Variants in RARB observed in about 807,000 individuals in gnomAD.
The protein encoded by RARB is HBV-activated protein.
In RARB, 17 loss-of-function variants were observed where a neutral mutation model predicts 51.9. That is an observed-to-expected ratio of 0.33 (90% CI 0.22 to 0.49). RARB has a LOEUF of 0.49. Ranked by LOEUF, RARB falls within the 20% of genes least tolerant of loss-of-function variation. RARB has a pLI of 0.99. For synonymous variants in RARB, 215 were observed against 195.4 expected (o/e 1.10, Z -0.84); for missense variants, 369 against 550.8 (o/e 0.67, Z 3.30).
At chr3:25,145,133 T>C (rs73048442) in intron 4 of RARB, among the ~76,000 whole-genome samples, 13,038 of 152,264 alleles carry the variant, frequency 0.086, 714 homozygotes, top group Non-Finnish European at 0.13. Flanking sequence ...AGTTGCTTTA[T>C]TGGCTCCCTG....
chr3:25,002,483 A>G (rs951562885), intron 2 of RARB, among the ~76,000 whole-genome samples: 2 of 152,162 alleles, frequency 1.3e-5, no homozygotes, highest in Non-Finnish European at 2.9e-5. Flanking sequence ...TGCCCTGCAG[A>G]GTTTAGTTCG....
chr3:25,082,276 T>G (rs1699022576), intron 3 of RARB, among the ~76,000 whole-genome samples: 1 of 152,130 alleles, frequency 6.6e-6, no homozygotes, highest in South Asian at 2.1e-4. Context: ...ATAAGTTGGG[T>G]TTATGTATAC....
chr3:24,994,426 T>C (rs1465328111), intron 2 of RARB, among the ~76,000 whole-genome samples: 2 of 152,126 alleles, frequency 1.3e-5, no homozygotes, highest in Non-Finnish European at 2.9e-5. Flanking sequence ...AGTTTGCAAA[T>C]ATTTTCTCCC....
At chr3:25,144,001 A>G (rs376598572) in intron 4 of RARB, among the ~76,000 whole-genome samples, 1 of 152,282 alleles carries the variant, frequency 6.6e-6, no homozygotes, top group East Asian at 1.9e-4. Flanking sequence ...GATATTCATA[A>G]CCTTGCCAGA....
rs563830922 is a variant in RARB, at chr3:25,134,295, T to A, written c.-280+2087T>A. ...AATCTTTAGTCAAAAATTCAGAAGT[T>A]CTTAAATGGCACATAGGATATAGGA... is the stretch of plus-strand genomic sequence containing the variant. On this transcript the variant is annotated intron_variant, in intron 4 of 11. Transcript: ENST00000383772. Among the ~76,000 whole-genome samples, 48 of 152,048 alleles carry A rather than the reference T, an allele frequency of 3.2e-4. No homozygotes were observed. The South Asian group carries it at 9.5e-3, about 30-fold the overall frequency.
intron 5 of RARB, among the ~76,000 whole-genome samples, chr3:25,315,296 C>T (rs2125436036): frequency 6.6e-6 from 1 of 152,258 alleles, no homozygotes; most frequent in African/African-American, 2.4e-5. Context: ...TAGATAGGGG[C>T]TTACTTGAGA....
chr3:25,085,707 T>A (rs1026669328), intron 3 of RARB, among the ~76,000 whole-genome samples: 1 of 152,194 alleles, frequency 6.6e-6, no homozygotes, highest in African/African-American at 2.4e-5. Flanking sequence ...CTTGGCTTCA[T>A]CATCTTCCTT....
At chr3:24,913,192 G>C (rs894003667) in intron 2 of RARB, among the ~76,000 whole-genome samples, 2 of 151,584 alleles carry the variant, frequency 1.3e-5, no homozygotes, top group African/African-American at 2.4e-5. Flanking sequence ...CACTGTGTTA[G>C]CCACGATGGT....
At chr3:25,538,265 A>G (rs959601097) in intron 3 of RARB, among the ~76,000 whole-genome samples, 4 of 152,210 alleles carry the variant, frequency 2.6e-5, no homozygotes, top group African/African-American at 7.2e-5. Context: ...TCATAATTAT[A>G]TAGAACTTTC....
At chr3:24,995,191 T>C (rs1696995497) in intron 2 of RARB, among the ~76,000 whole-genome samples, 1 of 151,596 alleles carries the variant, frequency 6.6e-6, no homozygotes, top group African/African-American at 2.4e-5. Flanking sequence ...GTTTTTTAAG[T>C]AAAGGTCCTT....
intron 1 of RARB, among the ~76,000 whole-genome samples, chr3:24,837,907 A>T (rs1702364504): frequency 6.6e-6 from 1 of 152,224 alleles, no homozygotes; most frequent in African/African-American, 2.4e-5. Context: ...TTCGTGGCTG[A>T]AAACATCACA....
intron 2 of RARB, among the ~76,000 whole-genome samples, chr3:24,958,489 C>T (rs1425035159): frequency 6.6e-6 from 1 of 152,068 alleles, no homozygotes; most frequent in African/African-American, 2.4e-5. Flanking sequence ...AATTCTCTCA[C>T]ACCCTGATTT....
At chr3:25,403,885 C>G (rs927256346) in intron 5 of RARB, among the ~76,000 whole-genome samples, 2 of 9,582 alleles carry the variant, frequency 2.1e-4, no homozygotes, top group African/African-American at 5.2e-4. Context: ...ATTTCTTTTT[C>G]TAAAAAAAAA....
chr3:24,882,514 G>A (rs1703187742), intron 2 of RARB, among the ~76,000 whole-genome samples: 1 of 152,120 alleles, frequency 6.6e-6, no homozygotes, highest in African/African-American at 2.4e-5. Context: ...GAAGCTCCTG[G>A]GAGCAATCCC....
intron 3 of RARB, among the ~76,000 whole-genome samples, chr3:25,079,028 A>T (rs1698934980): frequency 6.6e-6 from 1 of 151,118 alleles, no homozygotes; most frequent in Non-Finnish European, 1.5e-5. Context: ...TGAACATGGT[A>T]TATCTCTGCA....
At chr3:24,950,896 G>C (rs983584401) in intron 2 of RARB, among the ~76,000 whole-genome samples, 3 of 152,242 alleles carry the variant, frequency 2.0e-5, no homozygotes, top group African/African-American at 7.2e-5. Flanking sequence ...CCTCCACCCT[G>C]CTGAATCAAA....
At chr3:25,455,946 C>T (rs1694883447) in intron 1 of RARB, among the ~76,000 whole-genome samples, 1 of 152,232 alleles carries the variant, frequency 6.6e-6, no homozygotes, top group Admixed American at 6.5e-5. Flanking sequence ...ACTGAAATCA[C>T]ATCAGGATGG....
intron 1 of RARB, among the ~76,000 whole-genome samples, chr3:25,429,372 A>T (rs1489259680): frequency 6.6e-6 from 1 of 152,128 alleles, no homozygotes; most frequent in Non-Finnish European, 1.5e-5. Context: ...ATTTTCCTTG[A>T]AAGGAATTTA....
At chr3:25,133,261 C>G (rs1035631198) in intron 4 of RARB, among the ~76,000 whole-genome samples, 2 of 151,936 alleles carry the variant, frequency 1.3e-5, no homozygotes, top group Admixed American at 6.6e-5. Flanking sequence ...AATTACTTTT[C>G]AATTCAGAAT....
Sources: allele counts gnomAD v4.1 joint callset (sites outside exome capture counted in the v4.1 genomes callset), GRCh38; gene constraint gnomAD v4.1.1; transcripts MANE v1.5; gene names NCBI Gene and HGNC (gene_info 2026-07-23, HGNC 2026-07-21).